TYW1: variants seen among roughly 807,000 people sequenced by gnomAD.
TYW1 encodes the protein S-adenosyl-L-methionine-dependent tRNA 4-demethylwyosine synthase TYW1.
In TYW1, 46 loss-of-function variants were observed where a neutral mutation model predicts 96.2. The ratio of observed to expected loss-of-function variants is 0.48; its 90% CI spans 0.38 to 0.61. TYW1 has a LOEUF of 0.61. TYW1 is among the 20% of genes least tolerant of loss of function. The probability of loss-of-function intolerance (pLI) is 0.00; values close to 1 mark genes in which losing one functional copy is unlikely to be tolerated. For synonymous variants in TYW1, 274 were observed against 323.0 expected, an observed-to-expected ratio of 0.85 and a Z score of 1.63; for missense variants, 684 against 909.6, an observed-to-expected ratio of 0.75 and a Z score of 3.19.
intron 15 of TYW1, among the ~76,000 whole-genome samples, chr7:67,222,528 CT>C (rs1472000255): frequency 6.6e-6 from 1 of 151,784 alleles, no homozygotes; most frequent in East Asian, 2.0e-4. Context: ...TCCAAAATGT[CT>C]GATTAGAAAT....
intron 13 of TYW1, among the ~76,000 whole-genome samples, chr7:67,173,502 A>G (rs1799576185): frequency 6.6e-6 from 1 of 152,254 alleles, no homozygotes; most frequent in Non-Finnish European, 1.5e-5. Context: ...TAGTGCATCA[A>G]TCAAGTGGCA....
intron 14 of TYW1, among the ~76,000 whole-genome samples, chr7:67,190,448 T>C (rs1198679385): frequency 6.6e-6 from 1 of 152,260 alleles, no homozygotes; most frequent in Non-Finnish European, 1.5e-5. Flanking sequence ...GTTTTGACGC[T>C]TCTTTATACC....
At chr7:67,211,362 G>C (rs1367854291) in intron 15 of TYW1, among the ~76,000 whole-genome samples, 1 of 152,202 alleles carries the variant, frequency 6.6e-6, no homozygotes. Flanking sequence ...CTGGCAGTAA[G>C]CCGCAGCTCT....
At chr7:67,190,837 G>A (rs74713461) in intron 14 of TYW1, among the ~76,000 whole-genome samples, 3 of 152,320 alleles carry the variant, frequency 2.0e-5, no homozygotes, top group East Asian at 3.9e-4. Context: ...GACAAAAACA[G>A]TATTAGGAGT....
intron 3 of TYW1, among the ~76,000 whole-genome samples, chr7:67,006,595 T>C (rs1584454392): frequency 6.6e-6 from 1 of 151,826 alleles, no homozygotes; most frequent in South Asian, 2.1e-4. Context: ...TATGCCACCA[T>C]GCCCAGCTAA....
At chr7:67,200,688 C>A (rs1232109128) in intron 15 of TYW1, among the ~76,000 whole-genome samples, 1 of 152,034 alleles carries the variant, frequency 6.6e-6, no homozygotes, top group Non-Finnish European at 1.5e-5. Context: ...CGACAAATAT[C>A]TCAACAAAAA....
chr7:67,083,626 T>A, intron 11 of TYW1, 87 bp downstream of exon 11: 1 of 1,439,062 alleles, frequency 6.9e-7, no homozygotes, highest in Admixed American at 2.2e-5. Context: ...TTGGTAGGAT[T>A]TTGTCCCCAC....
chr7:67,175,950 A>G (rs539392035), intron 13 of TYW1, among the ~76,000 whole-genome samples: 1 of 152,302 alleles, frequency 6.6e-6, no homozygotes, highest in South Asian at 2.1e-4. Flanking sequence ...AAAAGTTATG[A>G]TTGGAAAGGA....
chr7:67,094,755 A>ATACCCAG, intron 11 of TYW1, among the ~76,000 whole-genome samples: 1 of 151,926 alleles, frequency 6.6e-6, no homozygotes, highest in African/African-American at 2.4e-5. Flanking sequence ...ATGTTCTAAG[A>ATACCCAG]AGAATGTGTG....
intron 14 of TYW1, among the ~76,000 whole-genome samples, chr7:67,185,843 C>T (rs1031402292): frequency 5.6e-4 from 85 of 150,912 alleles, no homozygotes; most frequent in Admixed American, 1.3e-3. Flanking sequence ...GCCAACTCTG[C>T]TCATTTCCGT....
At chr7:67,019,342 C>T (rs1373944540) in intron 6 of TYW1, among the ~76,000 whole-genome samples, 3 of 68,992 alleles carry the variant, frequency 4.3e-5, no homozygotes, top group African/African-American at 1.3e-4. Flanking sequence ...ATTACAGGCA[C>T]GTACCACTAC....
chr7:67,170,447 T>C (rs1424435476), intron 13 of TYW1, among the ~76,000 whole-genome samples: 6 of 152,226 alleles, frequency 3.9e-5, no homozygotes, highest in Non-Finnish European at 7.3e-5. Flanking sequence ...GGGATCAGCT[T>C]TTAAAGCCTG....
intron 3 of TYW1, among the ~76,000 whole-genome samples, chr7:67,008,173 A>G (rs1484283267): frequency 1.3e-5 from 2 of 152,062 alleles, no homozygotes; most frequent in Admixed American, 1.3e-4. Flanking sequence ...AGAGCTGCAC[A>G]GGGCCAGCTA....
intron 13 of TYW1, among the ~76,000 whole-genome samples, chr7:67,130,575 A>C (rs774774169): frequency 2.0e-5 from 3 of 151,882 alleles, no homozygotes; most frequent in Non-Finnish European, 4.4e-5. Context: ...GAGGCAGGAG[A>C]ATGATGTGAA....
chr7:67,088,284 A>G (rs1245742862), intron 11 of TYW1, among the ~76,000 whole-genome samples: 2 of 152,116 alleles, frequency 1.3e-5, no homozygotes, highest in African/African-American at 4.8e-5. Context: ...ACAAGCCATT[A>G]TTTTTGAAAA....
chr7:67,063,476 A>G (rs1173176827), intron 9 of TYW1, among the ~76,000 whole-genome samples: 1 of 152,242 alleles, frequency 6.6e-6, no homozygotes, highest in East Asian at 1.9e-4. Context: ...GCAGAAATAA[A>G]GCTGTCTTGT....
chr7:67,183,011 A>G (rs1799886543), intron 13 of TYW1, 115 bp from the exon 14 acceptor site: 2 of 716,694 alleles, frequency 2.8e-6, no homozygotes, highest in Non-Finnish European at 4.4e-6. Flanking sequence ...ACAAAAGTTC[A>G]TGATGAGTTT....
At chr7:67,175,463 G>A (rs937338684) in intron 13 of TYW1, among the ~76,000 whole-genome samples, 8 of 152,248 alleles carry the variant, frequency 5.3e-5, no homozygotes, top group East Asian at 1.9e-4. Context: ...AAGCCACTGC[G>A]TCCAGCCAGT....
intron 7 of TYW1, among the ~76,000 whole-genome samples, chr7:67,029,408 T>TACATATATATA (rs1381722152): frequency 7.4e-6 from 1 of 135,042 alleles, no homozygotes; most frequent in South Asian, 2.3e-4. Flanking sequence ...TGTGTGTGTG[T>TACATATATATA]GTGTGTGTAT....
Sources: allele counts gnomAD v4.1 joint callset (sites outside exome capture counted in the v4.1 genomes callset), GRCh38; gene constraint gnomAD v4.1.1; transcripts MANE v1.5; gene names NCBI Gene and HGNC (gene_info 2026-07-23, HGNC 2026-07-21).